Variants in FBXL2 observed in about 807,000 individuals in gnomAD.
FBXL2 encodes the protein F-box and leucine rich repeat protein 2, also known as F-box/LRR-repeat protein 2.
A neutral mutation model predicts 69.2 loss-of-function variants in FBXL2; 38 were observed. The ratio of observed to expected loss-of-function variants is 0.55; its 90% CI spans 0.42 to 0.72. The LOEUF is 0.72. Ranked by LOEUF, FBXL2 falls within the 30% of genes least tolerant of loss-of-function variation. FBXL2 has a pLI of 0.00. For synonymous variants in FBXL2, 192 were observed against 201.3 expected (o/e 0.95, Z 0.39); for missense variants, 354 against 520.3 (o/e 0.68, Z 3.11).
intron 2 of FBXL2, among the ~76,000 whole-genome samples, chr3:33,316,300 C>G (rs1283953489): frequency 5.9e-5 from 9 of 152,030 alleles, no homozygotes; most frequent in African/African-American, 1.9e-4. Flanking sequence ...CTCAAGTGAT[C>G]CACCCACCTC....
Position 33,297,696 on chromosome 3 carries a change from C to G in FBXL2, c.36C>G (p.Asn12Lys). ...VFSNNDEGLI[N>K]KKLPKELLLR... is the part of the protein sequence containing the mutation. ...CAAACAATGATGAAGGCCTTATTAA[C>G]AAAAAGTTACCCAAAGAACTTCTGT... The change falls in exon 2 of 15, where the codon AAC (asparagine) becomes AAG (lysine). Residue 12 changes from asparagine to lysine, a missense_variant. Coordinates refer to ENST00000484457, the MANE Select transcript of FBXL2 (RefSeq NM_012157.5). 3 of 1,570,228 alleles carry G rather than the reference C, an allele frequency of 1.9e-6. No homozygotes were observed. Among genetic ancestry groups the G allele is most frequent in the Non-Finnish European group, 2.6e-6 (3 of 1,152,726 alleles).
chr3:33,311,031 C>T (rs1462706386), intron 2 of FBXL2, among the ~76,000 whole-genome samples: 1 of 152,168 alleles, frequency 6.6e-6, no homozygotes, highest in East Asian at 1.9e-4. Flanking sequence ...CCCACCTCGG[C>T]CTCCCAAAGT....
chr3:33,343,075 T>C (rs1190465059), intron 2 of FBXL2, among the ~76,000 whole-genome samples: 5 of 148,306 alleles, frequency 3.4e-5, no homozygotes, highest in Non-Finnish European at 7.4e-5. Context: ...CAGCCATCTG[T>C]TTTTTTTGCT....
At chr3:33,385,422 ATAGGTTTTTC>A (rs762784552) in intron 14 of FBXL2, 69 bp from the exon 15 acceptor site, 51 of 1,241,376 alleles carry the variant, frequency 4.1e-5, no homozygotes, top group Non-Finnish European at 5.8e-5. Context: ...ATAGAGGACT[ATAGGTTTTTC>A]TAGAATTATG....
chr3:33,352,189 T>C (rs2040873396), intron 2 of FBXL2, among the ~76,000 whole-genome samples: 1 of 152,166 alleles, frequency 6.6e-6, no homozygotes, highest in African/African-American at 2.4e-5. Flanking sequence ...AGTCAACTGA[T>C]CTTTGACAAA....
At chr3:33,327,460 C>A (rs2038789434) in intron 2 of FBXL2, among the ~76,000 whole-genome samples, 1 of 152,092 alleles carries the variant, frequency 6.6e-6, no homozygotes, top group Non-Finnish European at 1.5e-5. Flanking sequence ...TTTTATCTAT[C>A]TACCTATAAA....
intron 2 of FBXL2, among the ~76,000 whole-genome samples, chr3:33,300,969 C>G (rs185091342): frequency 6.6e-6 from 1 of 151,974 alleles, no homozygotes; most frequent in Admixed American, 6.6e-5. Flanking sequence ...TCCCAAAGTG[C>G]TGGGATTACA....
At chr3:33,346,834 A>T (rs1217429543) in intron 2 of FBXL2, among the ~76,000 whole-genome samples, 1 of 151,972 alleles carries the variant, frequency 6.6e-6, no homozygotes, top group Non-Finnish European at 1.5e-5. Flanking sequence ...ATTTAAAAAA[A>T]AATTTTGTGG....
At chr3:33,420,274 C>T in the FBXL2 span, among the ~76,000 whole-genome samples, 1 of 152,190 alleles carries the variant, frequency 6.6e-6, no homozygotes, top group Non-Finnish European at 1.5e-5. Context: ...TAACGGAATT[C>T]TTAATCCAAT....
Position 33,359,309 on chromosome 3 carries a change from A to G in FBXL2, c.147A>G (p.Gly49=), listed in dbSNP as rs1196018680. Reference sequence around the variant, plus strand: ...CTTGGAACATCTTAGCCCTGGATGGAAGCAACTGGCAAAGAATAGATCTTT... The same window carrying G: ...CTTGGAACATCTTAGCCCTGGATGGGAGCAACTGGCAAAGAATAGATCTTT... ...SKAWNILALD[G]SNWQRIDLFN... Residue 49 remains glycine (G), a synonymous_variant, in exon 4 of 15, where the codon GGA becomes GGG. Transcript: ENST00000484457. 2.5e-6 allele frequency: 4 copies of G among 1,612,378 alleles called. No individual in the cohort carries two copies. The highest frequency in any genetic ancestry group is 2.5e-6 in the Non-Finnish European group (3 of 1,178,904).
At chr3:33,374,292 G>A (rs987911271) in intron 9 of FBXL2, among the ~76,000 whole-genome samples, 20 of 152,154 alleles carry the variant, frequency 1.3e-4, no homozygotes, top group African/African-American at 4.3e-4. Flanking sequence ...CTCCTCTCAC[G>A]TTGTTTCAGT....
At chr3:33,420,017 T>G in the FBXL2 span, among the ~76,000 whole-genome samples, 3 of 152,198 alleles carry the variant, frequency 2.0e-5, no homozygotes, top group Non-Finnish European at 2.9e-5. Context: ...ATATAACTGT[T>G]GTGATTCATG....
At chr3:33,323,446 G>T (rs750116372) in intron 2 of FBXL2, among the ~76,000 whole-genome samples, 7 of 152,086 alleles carry the variant, frequency 4.6e-5, no homozygotes, top group Non-Finnish European at 1.0e-4. Context: ...TTCTCCAAAT[G>T]ATATCCCTCC....
At chr3:33,283,781 G>A (rs2034302205) in intron 1 of FBXL2, among the ~76,000 whole-genome samples, 1 of 152,120 alleles carries the variant, frequency 6.6e-6, no homozygotes, top group South Asian at 2.1e-4. Flanking sequence ...TCTTAGGAGG[G>A]TATATGTGTC....
chr3:33,393,393 C>T, intron 12 of FBXL2: 1 of 1,613,176 alleles, frequency 6.2e-7, no homozygotes. Flanking sequence ...TATTAAACAC[C>T]AGCGCAAGTT....
intron 2 of FBXL2, among the ~76,000 whole-genome samples, chr3:33,313,306 A>G (rs1414050657): frequency 6.6e-6 from 1 of 151,996 alleles, no homozygotes; most frequent in African/African-American, 2.4e-5. Context: ...AAAGATTTCT[A>G]TACATATTAA....
intron 12 of FBXL2, chr3:33,397,304 C>T (rs996476846): frequency 8.2e-6 from 4 of 490,644 alleles, no homozygotes; most frequent in Non-Finnish European, 1.4e-5. Flanking sequence ...TCCTTCAGAG[C>T]CAAGGAAAAT....
chr3:33,375,189 C>A, intron 9 of FBXL2, 99 bp from the exon 10 acceptor site: 1 of 1,470,676 alleles, frequency 6.8e-7, no homozygotes, highest in South Asian at 1.2e-5. Context: ...TGCTAGTAAT[C>A]AGCAACCAAA....
chr3:33,401,703 C>T (rs560198787), intron 12 of FBXL2, among the ~76,000 whole-genome samples: 14 of 152,290 alleles, frequency 9.2e-5, no homozygotes, highest in African/African-American at 3.1e-4. Context: ...CTCCTTCAGA[C>T]GGGGGTCTGT....
Sources: allele counts gnomAD v4.1 joint callset (sites outside exome capture counted in the v4.1 genomes callset), GRCh38; gene constraint gnomAD v4.1.1; transcripts MANE v1.5; gene names NCBI Gene and HGNC (gene_info 2026-07-23, HGNC 2026-07-21).